Variants in ENPP2 observed in about 807,000 individuals in gnomAD.
The protein encoded by ENPP2 is autotaxin.
In ENPP2, 51 loss-of-function variants were observed where a neutral mutation model predicts 120.2. The ratio of observed to expected loss-of-function variants is 0.42; its 90% CI spans 0.34 to 0.54. ENPP2 has a LOEUF of 0.54. Among genes scored for constraint, ENPP2 ranks in the 20% least tolerant of loss-of-function variants. The pLI is 0.04. For synonymous variants in ENPP2, 365 were observed against 366.4 expected (o/e 1.00, Z 0.04); for missense variants, 920 against 1,066.5 (o/e 0.86, Z 1.91).
intron 18 of ENPP2, chr8:119,581,172 A>G (rs1812705123): frequency 6.6e-6 from 1 of 151,472 alleles, no homozygotes; most frequent in Non-Finnish European, 1.5e-5. Context: ...AGGCTGAGGC[A>G]GGAGAATAAC....
chr8:119,623,687 A>G (rs920568376), intron 3 of ENPP2, among the ~76,000 whole-genome samples: 6 of 152,050 alleles, frequency 3.9e-5, no homozygotes, highest in Non-Finnish European at 5.9e-5. Flanking sequence ...GTGCAGTGGC[A>G]TAATCTCAGC....
At chr8:119,647,507 C>T (rs1817505846) in intron 1 of ENPP2, among the ~76,000 whole-genome samples, 1 of 152,164 alleles carries the variant, frequency 6.6e-6, no homozygotes, top group Non-Finnish European at 1.5e-5. Flanking sequence ...ACCCAAGCCT[C>T]TTCACTTGTA....
intron 1 of ENPP2, among the ~76,000 whole-genome samples, chr8:119,658,927 G>A (rs928667923): frequency 2.6e-5 from 4 of 152,168 alleles, no homozygotes; most frequent in African/African-American, 9.7e-5. Context: ...GGAGAAAAGG[G>A]ATCAGGCAAC....
intron 2 of ENPP2, among the ~76,000 whole-genome samples, chr8:119,631,408 G>T (rs1039245989): frequency 6.6e-6 from 1 of 151,100 alleles, no homozygotes; most frequent in Non-Finnish European, 1.5e-5. Flanking sequence ...AGTACAGACC[G>T]GGTTTCACCG....
chr8:119,592,825 C>CTTTTTTTTTTTTTT (rs10602946), intron 12 of ENPP2: 1 of 93,606 alleles, frequency 1.1e-5, no homozygotes, highest in Non-Finnish European at 2.0e-5. Flanking sequence ...ATCCCTTTGG[C>CTTTTTTTTTTTTTT]TTTTTTTTTT....
intron 2 of ENPP2, among the ~76,000 whole-genome samples, chr8:119,629,419 G>A (rs1166713048): frequency 5.3e-5 from 8 of 152,116 alleles, no homozygotes; most frequent in African/African-American, 1.9e-4. Context: ...GCAAGAAGCA[G>A]GAGAAGAACA....
chr8:119,603,704 T>C (rs567360284), intron 9 of ENPP2, among the ~76,000 whole-genome samples: 3 of 152,334 alleles, frequency 2.0e-5, no homozygotes, highest in African/African-American at 7.2e-5. Context: ...TATTGTTATA[T>C]ACTAAATGTA....
At chr8:119,569,450 T>G in intron 20 of ENPP2, 80 bp from the exon 21 acceptor site, 9 of 1,353,130 alleles carry the variant, frequency 6.7e-6, no homozygotes, top group Middle Eastern at 2.0e-4. Flanking sequence ...TGGCTTCTCC[T>G]ATGCTTGTAT....
intron 5 of ENPP2, 111 bp from the exon 6 acceptor site, chr8:119,617,674 C>T (rs1198015545): frequency 3.5e-5 from 26 of 751,210 alleles, no homozygotes; most frequent in South Asian, 1.3e-4. Context: ...TTTCACCGGG[C>T]GTGATGGCTT....
At chr8:119,600,923 A>C (rs1413666775) in intron 10 of ENPP2, among the ~76,000 whole-genome samples, 173 bp from the exon 11 acceptor site, 1 of 151,692 alleles carries the variant, frequency 6.6e-6, no homozygotes, top group Non-Finnish European at 1.5e-5. Flanking sequence ...TTCTGTGACC[A>C]CCACCCCATC....
upstream of ENPP2, among the ~76,000 whole-genome samples, chr8:119,639,121 A>G (rs1040519787): frequency 1.3e-5 from 2 of 152,174 alleles, no homozygotes; most frequent in Admixed American, 1.3e-4. Flanking sequence ...CCTCACAAAA[A>G]CATGGTTTGT....
intron 8 of ENPP2, 49 bp downstream of exon 8, chr8:119,616,216 A>T (rs1031216392): frequency 3.9e-6 from 6 of 1,521,772 alleles, no homozygotes; most frequent in Non-Finnish European, 5.4e-6. Flanking sequence ...GAAATGTCTC[A>T]ATACATGAAC....
chr8:119,617,682 C>A (rs1815564998), intron 5 of ENPP2, 119 bp from the exon 6 acceptor site: 1 of 708,670 alleles, frequency 1.4e-6, no homozygotes, highest in East Asian at 2.7e-5. Flanking sequence ...GGCGTGATGG[C>A]TTACGCTTAT....
chr8:119,577,831 TG>T (rs1189765473), intron 19 of ENPP2, among the ~76,000 whole-genome samples: 3 of 152,172 alleles, frequency 2.0e-5, no homozygotes, highest in Non-Finnish European at 4.4e-5. Flanking sequence ...CATGAGGGTT[TG>T]TTTCCATGAA....
At chr8:119,605,426 A>ATGTGTG (rs1491174876) in intron 9 of ENPP2, among the ~76,000 whole-genome samples, 6 of 138,404 alleles carry the variant, frequency 4.3e-5, no homozygotes, top group Admixed American at 7.5e-5. Flanking sequence ...TGAAGATACC[A>ATGTGTG]TATATGTGTG....
chr8:119,577,673 G>A (rs142556154), intron 19 of ENPP2, among the ~76,000 whole-genome samples: 1,998 of 152,302 alleles, frequency 0.013, 22 homozygotes, highest in Non-Finnish European at 0.02. Flanking sequence ...AGCAGACTTA[G>A]AATAGCATGA....
intron 2 of ENPP2, among the ~76,000 whole-genome samples, chr8:119,627,865 AATATAT>A (rs59289320): frequency 1.9e-4 from 27 of 143,518 alleles, no homozygotes; most frequent in African/African-American, 3.3e-4. Flanking sequence ...CCGTCTTAAA[AATATAT>A]ATATATATAT....
chr8:119,611,286 G>A (rs1292720814), intron 8 of ENPP2, among the ~76,000 whole-genome samples: 1 of 152,182 alleles, frequency 6.6e-6, no homozygotes, highest in Non-Finnish European at 1.5e-5. Context: ...TTCCTCGAAG[G>A]GAAATCATTC....
chr8:119,598,723 T>C (rs1338703965), intron 11 of ENPP2, among the ~76,000 whole-genome samples: 2 of 152,202 alleles, frequency 1.3e-5, no homozygotes, highest in South Asian at 2.1e-4. Context: ...ATAAAGAAAA[T>C]GTTCTGTATA....
Sources: allele counts gnomAD v4.1 joint callset (sites outside exome capture counted in the v4.1 genomes callset), GRCh38; gene constraint gnomAD v4.1.1; transcripts MANE v1.5; gene names NCBI Gene and HGNC (gene_info 2026-07-23, HGNC 2026-07-21).